Variants in CADM2 observed in about 807,000 individuals in gnomAD.
CADM2 encodes the protein immunoglobulin superfamily member 4D.
In CADM2, 12 loss-of-function variants were observed where a neutral mutation model predicts 49.8. The observed-to-expected ratio is 0.24, with a 90% CI of 0.15 to 0.39. CADM2 has a LOEUF of 0.39. Ranked by LOEUF, CADM2 falls within the 10% of genes least tolerant of loss-of-function variation. The pLI, the probability that CADM2 is intolerant of heterozygous loss-of-function variation, is 1.00. For synonymous variants in CADM2, 214 were observed against 175.4 expected, an observed-to-expected ratio of 1.22 and a Z score of -1.74; for missense variants, 378 against 492.3, an observed-to-expected ratio of 0.77 and a Z score of 2.20.
chr3:86,048,112 T>G (rs573687173), intron 8 of CADM2, among the ~76,000 whole-genome samples: 1 of 152,234 alleles, frequency 6.6e-6, no homozygotes, highest in African/African-American at 2.4e-5. Context: ...TATTTATCTT[T>G]GGAGGATGGG....
intron 1 of CADM2, among the ~76,000 whole-genome samples, chr3:85,566,873 C>T (rs1576820370): frequency 6.6e-6 from 1 of 152,096 alleles, no homozygotes; most frequent in African/African-American, 2.4e-5. Flanking sequence ...ATCTGTACTC[C>T]GTTTCAGGAA....
At chr3:85,031,368 A>ATCTTGATTTTCTTTACCTTC (rs1194863998) in intron 1 of CADM2, among the ~76,000 whole-genome samples, 1 of 152,144 alleles carries the variant, frequency 6.6e-6, no homozygotes, top group African/African-American at 2.4e-5. Flanking sequence ...TATTTATCTT[A>ATCTTGATTTTCTTTACCTTC]TCTTGATTTT....
chr3:85,696,123 T>C lies in CADM2; in HGVS notation c.62-30399T>C, dbSNP rs565105951. On this transcript the variant is annotated intron_variant, in intron 1 of 9. Transcript: ENST00000383699. ...TTTTTAATGGAATTATTTGGTTTTT[T>C]CTCACTGATTTGTTTGAGTTTCTTG... 4.6e-5 allele frequency among the ~76,000 whole-genome samples: 7 copies of C among 152,286 alleles called. No individual in the cohort carries two copies. In the South Asian group the frequency reaches 1.4e-3, roughly 32 times the overall value.
At position 84,984,048 on chromosome 3, in the gene CADM2, TACACACACAC is replaced by T. The variant is rs10603844; in HGVS notation, c.61+24403_61+24412del. ...CTTCATTGTGATATATATATATATA[TACACACACAC>T]ACACACACACACACACACACACTTA... On this transcript the variant is annotated intron_variant, in intron 1 of 9. Transcript: ENST00000383699. Among the ~76,000 whole-genome samples the T allele has an allele frequency of 1.7e-4, 24 of 143,304 alleles. No individual in the cohort carries two copies. In the East Asian group the frequency reaches 1.8e-3, roughly 11 times the overall value. The allele number at this position is 143,304 out of a possible 152,430, so 94.0% of individuals were successfully genotyped here.
At chr3:85,569,394 A>G (rs1445295407) in intron 1 of CADM2, among the ~76,000 whole-genome samples, 1 of 152,168 alleles carries the variant, frequency 6.6e-6, no homozygotes, top group Non-Finnish European at 1.5e-5. Flanking sequence ...GTTATTAAGA[A>G]TAAAGCTGCT....
At chr3:85,215,263 T>G (rs1487261108) in intron 1 of CADM2, among the ~76,000 whole-genome samples, 4 of 147,446 alleles carry the variant, frequency 2.7e-5, no homozygotes, top group Admixed American at 7.0e-5. Context: ...CTCTGGGAAC[T>G]AGGGTCTGGA....
chr3:84,967,424 C>CT lies in CADM2; in HGVS notation c.61+7760dup, dbSNP rs1329292052. Reference sequence around the variant, plus strand: ...TCATAACTTCCGTTCATTCTGATACCTTTTACATCTCTTGTTTTTCAATCT... The same window carrying CT: ...TCATAACTTCCGTTCATTCTGATACCTTTTTACATCTCTTGTTTTTCAATCT... On this transcript the variant is annotated intron_variant, in intron 1 of 9. Coordinates refer to ENST00000383699, the MANE Select transcript of CADM2 (RefSeq NM_001167675.2). 5.3e-5 allele frequency among the ~76,000 whole-genome samples: 8 copies of CT among 152,220 alleles called. No individual in the cohort carries two copies. In the East Asian group the frequency reaches 9.6e-4, roughly 18 times the overall value.
chr3:85,726,573 A>C, intron 2 of CADM2, 25 bp downstream of exon 2: 1 of 1,581,474 alleles, frequency 6.3e-7, no homozygotes, highest in Non-Finnish European at 8.7e-7. Flanking sequence ...ATTCTGCATG[A>C]GTCATCATCA....
At chr3:85,861,475 G>GA (rs1455120941) in intron 3 of CADM2, among the ~76,000 whole-genome samples, 1 of 152,078 alleles carries the variant, frequency 6.6e-6, no homozygotes, top group African/African-American at 2.4e-5. Flanking sequence ...ATTCAAGAAG[G>GA]AAAATCAGGA....
intron 1 of CADM2, among the ~76,000 whole-genome samples, chr3:85,369,236 A>C (rs535842552): frequency 6.6e-6 from 1 of 152,228 alleles, no homozygotes; most frequent in East Asian, 1.9e-4. Flanking sequence ...CACAGTGCTC[A>C]TGTAGTTTTT....
intron 1 of CADM2, among the ~76,000 whole-genome samples, chr3:85,158,126 C>T (rs996386089): frequency 1.2e-4 from 18 of 152,244 alleles, no homozygotes; most frequent in South Asian, 4.2e-4. Flanking sequence ...AAATGCAAAT[C>T]GAAACCACAA....
intron 1 of CADM2, among the ~76,000 whole-genome samples, chr3:85,509,762 C>G (rs1025405441): frequency 3.3e-5 from 5 of 151,978 alleles, no homozygotes; most frequent in Non-Finnish European, 7.4e-5. Flanking sequence ...TTTTAGGAAA[C>G]AGCCTGGCAC....
intron 8 of CADM2, among the ~76,000 whole-genome samples, chr3:86,006,970 A>T (rs554017735): frequency 6.6e-6 from 1 of 152,020 alleles, no homozygotes; most frequent in African/African-American, 2.4e-5. Flanking sequence ...GAACCCGGAG[A>T]TGGAAGTTGC....
At chr3:85,228,120 AG>A (rs1252279958) in intron 1 of CADM2, among the ~76,000 whole-genome samples, 1 of 151,870 alleles carries the variant, frequency 6.6e-6, no homozygotes, top group African/African-American at 2.4e-5. Context: ...GCTCTTTTTG[AG>A]GAATATCTTT....
intron 1 of CADM2, among the ~76,000 whole-genome samples, chr3:85,525,778 C>T (rs560991219): frequency 1.3e-4 from 19 of 151,934 alleles, no homozygotes; most frequent in East Asian, 3.9e-4. Flanking sequence ...CTTTTTAAAT[C>T]GCTTTTTGGG....
At chr3:85,496,817 G>A (rs2039922863) in intron 1 of CADM2, among the ~76,000 whole-genome samples, 1 of 151,990 alleles carries the variant, frequency 6.6e-6, no homozygotes, top group Admixed American at 6.6e-5. Flanking sequence ...TTTTTCATAT[G>A]TTGTTGACCA....
At position 85,580,747 on chromosome 3, in the gene CADM2, A is replaced by G. The variant is rs180834607; in HGVS notation, c.62-145775A>G. Among the ~76,000 whole-genome samples the G allele has an allele frequency of 2.3e-3, 348 of 152,230 alleles. 1 individual carries two copies. The highest frequency in any genetic ancestry group is 3.4e-3 in the Middle Eastern group (1 of 292). On this transcript the variant is annotated intron_variant, in intron 1 of 9. Coordinates refer to ENST00000383699, the MANE Select transcript of CADM2 (RefSeq NM_001167675.2). ...AATTCATAATTTTGTTAAAACTACA[A>G]TGCAGAATGAATCCTATTACAAAAA...
At chr3:84,963,622 T>G (rs1054223358) in intron 1 of CADM2, among the ~76,000 whole-genome samples, 1 of 152,136 alleles carries the variant, frequency 6.6e-6, no homozygotes, top group African/African-American at 2.4e-5. Context: ...TTTGTTACAT[T>G]TAGTAAAAAT....
chr3:85,358,730 CTTA>C (rs2032080686), intron 1 of CADM2, among the ~76,000 whole-genome samples: 1 of 152,202 alleles, frequency 6.6e-6, no homozygotes, highest in African/African-American at 2.4e-5. Context: ...TCAAGAAATA[CTTA>C]TTATGAAGAC....
Sources: gnomAD v4.1 joint callset for allele counts (sites outside exome capture counted in the v4.1 genomes callset) on GRCh38, gnomAD v4.1.1 for gene constraint, MANE v1.5 for transcripts, NCBI Gene and HGNC (gene_info 2026-07-23, HGNC 2026-07-21) for gene names.